Variants in FHIT observed in about 807,000 individuals in gnomAD.
FHIT encodes bis(5'-adenosyl)-triphosphatase.
A neutral mutation model predicts 17.9 loss-of-function variants in FHIT; 19 were observed. That is an observed-to-expected ratio of 1.06 (90% confidence interval 0.74 to 1.56). The LOEUF (loss-of-function observed/expected upper bound fraction) is 1.56, where lower values mean the gene tolerates loss of function less well. Ranked by LOEUF, FHIT falls within the 40% of genes most tolerant of loss-of-function variation. The probability of loss-of-function intolerance (pLI) is 0.00; values close to 1 mark genes in which losing one functional copy is unlikely to be tolerated. For synonymous variants in FHIT, 81 were observed against 69.7 expected (o/e 1.16, Z -0.81); for missense variants, 248 against 189.2 (o/e 1.31, Z -1.82).
chr3:60,063,768 A>C (rs2106936967), intron 5 of FHIT, among the ~76,000 whole-genome samples: 1 of 152,322 alleles, frequency 6.6e-6, no homozygotes, highest in South Asian at 2.1e-4. Context: ...AGTATGCCAG[A>C]ATTTGTGCAA....
At chr3:60,624,907 G>T (rs570285400) in intron 4 of FHIT, among the ~76,000 whole-genome samples, 123 of 149,544 alleles carry the variant, frequency 8.2e-4, no homozygotes, top group South Asian at 2.3e-3. Context: ...TTTTTTTTTT[G>T]TTTGTTTGTT....
chr3:60,732,050 G>C, intron 4 of FHIT: 2 of 501,358 alleles, frequency 4.0e-6, no homozygotes, highest in Non-Finnish European at 7.3e-6. Context: ...ACAATACAAA[G>C]ATTCTAGGAT....
intron 8 of FHIT, among the ~76,000 whole-genome samples, chr3:59,854,144 G>A (rs539632775): frequency 6.9e-4 from 105 of 152,286 alleles, no homozygotes; most frequent in African/African-American, 2.3e-3. Flanking sequence ...ATCAAAAGTC[G>A]TTAGCCCTGC....
At position 60,128,191 on chromosome 3, in the gene FHIT, T is replaced by G. The variant is rs559364175; in HGVS notation, c.104-114039A>C. On this transcript the variant is annotated intron_variant, in intron 5 of 9. Transcript: ENST00000492590. ...TGAACCCTGATATGGTTTGGCTGTG[T>G]TCCCACTGAAATCTCATCTTGAATT... 2.0e-5 allele frequency among the ~76,000 whole-genome samples: 3 copies of G among 152,322 alleles called. No homozygotes were observed. In the East Asian group the frequency reaches 5.8e-4, roughly 29 times the overall value.
intron 5 of FHIT, among the ~76,000 whole-genome samples, chr3:60,266,248 G>A (rs991576171): frequency 6.6e-6 from 1 of 152,018 alleles, no homozygotes; most frequent in Non-Finnish European, 1.5e-5. Flanking sequence ...ACACATTACA[G>A]CATGATGAAC....
At chr3:59,989,936 G>A (rs996184816) in intron 7 of FHIT, among the ~76,000 whole-genome samples, 2 of 151,980 alleles carry the variant, frequency 1.3e-5, no homozygotes, top group African/African-American at 4.8e-5. Context: ...TTTATTTCTA[G>A]TACATAGTAG....
intron 5 of FHIT, among the ~76,000 whole-genome samples, chr3:60,229,353 G>T (rs557673158): frequency 1.5e-4 from 22 of 151,426 alleles, no homozygotes; most frequent in Non-Finnish European, 2.4e-4. Flanking sequence ...GGAGGCGGAG[G>T]TTGCAGTGAG....
intron 6 of FHIT, among the ~76,000 whole-genome samples, chr3:60,012,409 C>G (rs573878287): frequency 6.6e-6 from 1 of 151,578 alleles, no homozygotes; most frequent in African/African-American, 2.4e-5. Flanking sequence ...ACTGGGACTA[C>G]AGGCATGCAC....
chr3:60,575,471 G>A (rs781917036), intron 4 of FHIT, among the ~76,000 whole-genome samples: 6 of 152,098 alleles, frequency 3.9e-5, no homozygotes, highest in Non-Finnish European at 5.9e-5. Flanking sequence ...TGGAACTCAT[G>A]GAAGGGAGAC....
chr3:60,443,187 G>A (rs1397646117), intron 5 of FHIT, among the ~76,000 whole-genome samples: 4 of 152,122 alleles, frequency 2.6e-5, no homozygotes, highest in Non-Finnish European at 4.4e-5. Context: ...AGACGATGGG[G>A]TTTTCTAGAT....
At position 59,788,881 on chromosome 3, in the gene FHIT, G is replaced by GTTTTTTTTTTTTTTTTTTTTTTT. The variant is rs60361063; in HGVS notation, c.349-36561_349-36560insAAAAAAAAAAAAAAAAAAAAAAA. On this transcript the variant is annotated intron_variant, in intron 8 of 9. Coordinates refer to ENST00000492590, the MANE Select transcript of FHIT (RefSeq NM_002012.4). ...ACCACGTTCTTTGCTGAGTTCATAT[G>GTTTTTTTTTTTTTTTTTTTTTTT]TTTTTTTTTTTTACCCCATCTCCAA... 6.0e-3 allele frequency among the ~76,000 whole-genome samples: 519 copies of GTTTTTTTTTTTTTTTTTTTTTTT among 86,822 alleles called. 163 individuals are homozygous for GTTTTTTTTTTTTTTTTTTTTTTT. Among genetic ancestry groups the GTTTTTTTTTTTTTTTTTTTTTTT allele is most frequent in the African/African-American group, 0.017 (378 of 21,844 alleles). The allele number at this position is 86,822 out of a possible 152,430, so 57.0% of individuals were successfully genotyped here.
chr3:60,816,870 G>T (rs1553737881), intron 4 of FHIT, among the ~76,000 whole-genome samples: 1 of 151,950 alleles, frequency 6.6e-6, no homozygotes, highest in Non-Finnish European at 1.5e-5. Flanking sequence ...TTAGTGATTA[G>T]TCCACTGACA....
At chr3:60,416,020 T>C (rs1414395670) in intron 5 of FHIT, among the ~76,000 whole-genome samples, 7 of 151,108 alleles carry the variant, frequency 4.6e-5, no homozygotes, top group Non-Finnish European at 1.0e-4. Context: ...AGTTGTTCAA[T>C]ACATGTTATC....
In FHIT at chr3:60,336,223, T is replaced by C. The variant is rs551962287; in HGVS notation, c.103+200637A>G. On this transcript the variant is annotated intron_variant, in intron 5 of 9. Coordinates refer to ENST00000492590, the MANE Select transcript of FHIT (RefSeq NM_002012.4). The stretch of plus-strand genomic sequence containing the variant: ...GCTTCTTGGCTCACTGCTTTGCCAC[T>C]TCTCTCTAATATGGCAAATACAAAG... 2.2e-4 allele frequency among the ~76,000 whole-genome samples: 33 copies of C among 152,358 alleles called. 1 individual carries two copies. The South Asian group carries it at 6.8e-3, about 32-fold the overall frequency.
intron 4 of FHIT, among the ~76,000 whole-genome samples, chr3:60,641,110 G>A (rs1290013027): frequency 6.6e-6 from 1 of 152,100 alleles, no homozygotes; most frequent in Admixed American, 6.6e-5. Context: ...AAACTGGGAG[G>A]TGGAGGTTGT....
chr3:60,195,546 G>GATAT (rs1223456537), intron 5 of FHIT, among the ~76,000 whole-genome samples: 1 of 18,888 alleles, frequency 5.3e-5, no homozygotes, highest in Non-Finnish European at 8.2e-5. Flanking sequence ...AGGAAAATGT[G>GATAT]ATATATATAT....
chr3:60,377,506 G>A (rs1416727939), intron 5 of FHIT, among the ~76,000 whole-genome samples: 2 of 99,786 alleles, frequency 2.0e-5, no homozygotes, highest in Non-Finnish European at 3.7e-5. Flanking sequence ...ACGGAGTCTC[G>A]CTCTGTCGCC....
intron 8 of FHIT, among the ~76,000 whole-genome samples, chr3:59,800,894 C>T (rs745388776): frequency 5.3e-5 from 8 of 152,176 alleles, no homozygotes; most frequent in East Asian, 1.9e-4. Context: ...GGCCACATTT[C>T]GTGATCTCCT....
intron 5 of FHIT, among the ~76,000 whole-genome samples, chr3:60,087,575 T>G (rs981106495): frequency 6.6e-6 from 1 of 152,136 alleles, no homozygotes; most frequent in African/African-American, 2.4e-5. Flanking sequence ...AACTGAGGTC[T>G]TTGCAGCCTA....
Sources: allele counts gnomAD v4.1 joint callset (sites outside exome capture counted in the v4.1 genomes callset), GRCh38; gene constraint gnomAD v4.1.1; transcripts MANE v1.5; gene names NCBI Gene and HGNC (gene_info 2026-07-23, HGNC 2026-07-21).